The following PPFIBP2 variants were observed in gnomAD, a reference collection of about 807,000 sequenced individuals.
PPFIBP2 encodes the protein PPFIB scaffold protein 2.
In PPFIBP2, 118 loss-of-function variants were observed where a neutral mutation model predicts 118.3. The observed-to-expected ratio is 1.00, with a 90% confidence interval of 0.86 to 1.16. The LOEUF is 1.16. Among genes scored for constraint, PPFIBP2 ranks in the 50% most tolerant of loss-of-function variants. The probability of loss-of-function intolerance (pLI) is 0.00; values close to 1 mark genes in which losing one functional copy is unlikely to be tolerated. For missense variants in PPFIBP2, 1,195 were observed against 1,073.1 expected (o/e 1.11, Z -1.59); for synonymous variants, 414 against 397.4 (o/e 1.04, Z -0.50).
Position 7,549,470 on chromosome 11 carries a change from G to A in PPFIBP2, c.-6G>A, listed in dbSNP as rs771881011. ...AGAGGAGGAGGCCAGGCAGGCAAAAGGAGTCATGGCTTCTGATGCTAGTCA... is the reference window on the plus strand; with the variant it reads ...AGAGGAGGAGGCCAGGCAGGCAAAAAGAGTCATGGCTTCTGATGCTAGTCA... On this transcript the variant is annotated 5_prime_UTR_variant, in exon 2 of 24. Coordinates refer to ENST00000299492, the MANE Select transcript of PPFIBP2 (RefSeq NM_003621.5). 13 of 1,558,954 alleles carry A rather than the reference G, an allele frequency of 8.3e-6. No homozygotes were observed. The highest frequency in any genetic ancestry group is 1.4e-5 in the African/African-American group (1 of 73,408).
intron 1 of PPFIBP2, among the ~76,000 whole-genome samples, chr11:7,523,178 G>A (rs1017160471): frequency 1.3e-5 from 2 of 152,142 alleles, no homozygotes; most frequent in African/African-American, 4.8e-5. Flanking sequence ...GGGAGACTCA[G>A]TGGCCCTGAG....
intron 2 of PPFIBP2, among the ~76,000 whole-genome samples, chr11:7,563,882 CA>C (rs1854626884): frequency 6.6e-6 from 1 of 152,074 alleles, no homozygotes; most frequent in African/African-American, 2.4e-5. Context: ...AATGGTGGAA[CA>C]GGCCAGGCGC....
At chr11:7,631,404 A>C (rs890670270) in intron 11 of PPFIBP2, among the ~76,000 whole-genome samples, 3 of 152,180 alleles carry the variant, frequency 2.0e-5, no homozygotes, top group African/African-American at 7.2e-5. Flanking sequence ...AGAATTCAAC[A>C]AATATTTGTT....
chr11:7,599,945 C>T (rs1861125592), intron 5 of PPFIBP2, among the ~76,000 whole-genome samples: 2 of 151,804 alleles, frequency 1.3e-5, no homozygotes, highest in African/African-American at 2.4e-5. Flanking sequence ...CGCCCGGCCT[C>T]AATTACCTTT....
In PPFIBP2 at chr11:7,598,092, AATATT is replaced by A. The variant is rs543437538; in HGVS notation, c.486+424_486+428del. On this transcript the variant is annotated intron_variant, in intron 5 of 23. Coordinates refer to ENST00000299492, the MANE Select transcript of PPFIBP2 (RefSeq NM_003621.5). Reference sequence around the variant, plus strand: ...TACTGTATATAGTTTTTAAAATAAAAATATTATATAAATAACCTTTTAGTATAATT... The same window carrying A: ...TACTGTATATAGTTTTTAAAATAAAAATATAAATAACCTTTTAGTATAATT... 252 of 155,944 alleles carry A rather than the reference AATATT, an allele frequency of 1.6e-3. 2 individuals are homozygous for A. Among genetic ancestry groups the A allele is most frequent in the African/African-American group, 5.9e-3 (243 of 41,460 alleles). The allele number at this position is 155,944 out of a possible 1,614,324, so 9.7% of individuals were successfully genotyped here. A position where few individuals can be genotyped will look rare whatever the true frequency, so the allele number is the denominator to read the frequency against.
chr11:7,598,549 T>C (rs1426887333), intron 5 of PPFIBP2: 2 of 154,240 alleles, frequency 1.3e-5, no homozygotes, highest in Non-Finnish European at 2.9e-5. Context: ...CTTAAGTCAT[T>C]CTTACATTTT....
intron 15 of PPFIBP2, chr11:7,641,208 T>C (rs1852148102): frequency 1.2e-6 from 1 of 839,066 alleles, no homozygotes; most frequent in Non-Finnish European, 1.8e-6. Context: ...AAGCTGCTTG[T>C]TGGAATAATC....
chr11:7,623,733 C>T (rs1454115219), intron 7 of PPFIBP2, among the ~76,000 whole-genome samples: 2 of 152,158 alleles, frequency 1.3e-5, no homozygotes, highest in Non-Finnish European at 2.9e-5. Flanking sequence ...GAGACGAGTG[C>T]CCATCCTGTC....
At chr11:7,648,358 C>A in intron 17 of PPFIBP2, 29 bp from the exon 18 acceptor site, 1 of 1,585,436 alleles carries the variant, frequency 6.3e-7, no homozygotes, top group South Asian at 1.1e-5. Flanking sequence ...CTCCCACTAA[C>A]AGGAATATGC....
intron 1 of PPFIBP2, among the ~76,000 whole-genome samples, chr11:7,548,899 T>C (rs568260802): frequency 1.3e-5 from 2 of 152,184 alleles, no homozygotes; most frequent in Non-Finnish European, 2.9e-5. Flanking sequence ...CCTTTCCCAA[T>C]TGGAGGAGTG....
chr11:7,665,796 T>C, the PPFIBP2 span: 1 of 1,497,238 alleles, frequency 6.7e-7, no homozygotes, highest in Non-Finnish European at 8.9e-7. Context: ...CTGTCAGCAT[T>C]GACGAGGAAG....
intron 6 of PPFIBP2, chr11:7,617,362 G>T: frequency 1.1e-6 from 1 of 949,620 alleles, no homozygotes; most frequent in Non-Finnish European, 1.3e-6. Flanking sequence ...AGGGGCTGGG[G>T]TTTCTCCTAA....
intron 1 of PPFIBP2, among the ~76,000 whole-genome samples, chr11:7,532,183 A>C (rs1850755059): frequency 6.6e-6 from 1 of 152,032 alleles, no homozygotes; most frequent in African/African-American, 2.4e-5. Flanking sequence ...CTTTGTCTTC[A>C]CATGGTCTTT....
At chr11:7,617,068 T>C (rs931766062) in intron 6 of PPFIBP2, 9 of 955,734 alleles carry the variant, frequency 9.4e-6, no homozygotes, top group Admixed American at 6.2e-5. Flanking sequence ...CTGAGAGCTG[T>C]CTGACCTGGA....
intron 5 of PPFIBP2, among the ~76,000 whole-genome samples, chr11:7,609,193 CTG>C (rs748404960): frequency 1.1e-4 from 16 of 152,228 alleles, no homozygotes; most frequent in Non-Finnish European, 2.4e-4. Context: ...GGTTCCAAAT[CTG>C]TGACCTCATA....
chr11:7,518,031 G>A (rs538357229), intron 1 of PPFIBP2, among the ~76,000 whole-genome samples: 3 of 152,338 alleles, frequency 2.0e-5, no homozygotes, highest in Non-Finnish European at 2.9e-5. Context: ...AGGTGGAGGT[G>A]GATTGCTAGG....
intron 3 of PPFIBP2, chr11:7,577,342 T>TGTGTGTGC (rs1856558320): frequency 3.1e-6 from 1 of 322,938 alleles, no homozygotes; most frequent in African/African-American, 2.3e-5. Flanking sequence ...TGTGTGTGTG[T>TGTGTGTGC]GTGTGTGTGT....
At position 7,651,831 on chromosome 11, in the gene PPFIBP2, C is replaced by T. The variant is rs1854065267; in HGVS notation, c.2423C>T (p.Thr808Ile). ...CCAGCTTACACACCACTGACCACCA[C>T]AGCCAAAGTCCGGGTGAGTTGCAGA... is the stretch of plus-strand genomic sequence containing the variant. ...ASPAYTPLTT[T>I]AKVRPRKLGF... The change falls in exon 23 of 24, where the codon ACA becomes ATA. Residue 808 changes from threonine to isoleucine, a missense_variant. Coordinates refer to ENST00000299492, the MANE Select transcript of PPFIBP2 (RefSeq NM_003621.5). The T allele has an allele frequency of 1.2e-6, 2 of 1,610,666 alleles. No homozygotes were observed. The highest frequency in any genetic ancestry group is 1.7e-6 in the Non-Finnish European group (2 of 1,177,372).
At chr11:7,572,764 A>ATGTTT (rs201315568) in intron 3 of PPFIBP2, among the ~76,000 whole-genome samples, 400 of 152,286 alleles carry the variant, frequency 2.6e-3, no homozygotes, top group African/African-American at 8.7e-3. Flanking sequence ...GTTTCGAAGA[A>ATGTTT]TGTTTTGTTT....
Sources: gnomAD v4.1 joint callset for allele counts (sites outside exome capture counted in the v4.1 genomes callset) on GRCh38, gnomAD v4.1.1 for gene constraint, MANE v1.5 for transcripts, NCBI Gene and HGNC (gene_info 2026-07-23, HGNC 2026-07-21) for gene names.